Variants in THRA observed in about 807,000 individuals in gnomAD.
THRA encodes EAR-7.
A neutral mutation model predicts 45.0 loss-of-function variants in THRA; 13 were observed. The observed-to-expected ratio is 0.29, with a 90% CI of 0.19 to 0.46. THRA has a LOEUF of 0.46. THRA is among the 20% of genes least tolerant of loss of function. THRA has a pLI of 1.00. For synonymous variants in THRA, 195 were observed against 214.0 expected, an observed-to-expected ratio of 0.91 and a Z score of 0.78; for missense variants, 278 against 556.1, an observed-to-expected ratio of 0.50 and a Z score of 5.03.
intron 4 of THRA, 39 bp from the exon 5 acceptor site, chr17:40,083,796 A>G: frequency 1.3e-6 from 2 of 1,559,052 alleles, no homozygotes; most frequent in South Asian, 1.2e-5. Flanking sequence ...AGGGGAAGCC[A>G]TGTCATGATC....
rs577808923 is a variant in THRA, at chr17:40,086,670, G to T, written c.577-37G>T. ...GAGCCTCAGTGAGAGGCTGAAAGGG[G>T]TCTGCGGCCCCAGCTGACCCCCGTC... On this transcript the variant is annotated intron_variant, in intron 6 of 8. Transcript: ENST00000450525. 10 of 1,603,810 alleles carry T rather than the reference G, an allele frequency of 6.2e-6. No homozygotes were observed. In the Admixed American group the frequency reaches 1.2e-4, roughly 19 times the overall value.
In THRA at chr17:40,077,501, C is replaced by T. The variant is rs1425313746; in HGVS notation, c.122-7C>T. On this transcript the variant is annotated splice_region_variant and splice_polypyrimidine_tract_variant and intron_variant, in intron 3 of 8. Transcript: ENST00000450525. ...CCTGCCTTCCTCCATCCTTTCCTTCCTCCCAGGGTATATCCCTAGTTACCT... is the reference window on the plus strand; with the variant it reads ...CCTGCCTTCCTCCATCCTTTCCTTCTTCCCAGGGTATATCCCTAGTTACCT... 1 of 1,612,812 alleles carries T rather than the reference C, an allele frequency of 6.2e-7. No homozygotes were observed. The highest frequency in any genetic ancestry group is 8.5e-7 in the Non-Finnish European group (1 of 1,179,112).
intron 1 of THRA, among the ~76,000 whole-genome samples, 163 bp from the exon 2 acceptor site, chr17:40,074,029 T>C (rs1451465030): frequency 2.6e-5 from 4 of 152,138 alleles, no homozygotes. Context: ...CTGCTGTACC[T>C]GTTATCTAAG....
At chr17:40,078,801 G>A (rs1311298896) in intron 4 of THRA, among the ~76,000 whole-genome samples, 1 of 142,274 alleles carries the variant, frequency 7.0e-6, no homozygotes, top group African/African-American at 2.6e-5. Context: ...GTGTGATCTC[G>A]GCTCACTGCA....
At chr17:40,067,413 C>T (rs1325025481) in intron 1 of THRA, among the ~76,000 whole-genome samples, 1 of 152,194 alleles carries the variant, frequency 6.6e-6, no homozygotes, top group African/African-American at 2.4e-5. Context: ...CCTGGGAGCC[C>T]AGCATTGGTC....
intron 6 of THRA, among the ~76,000 whole-genome samples, chr17:40,086,006 G>A (rs1371011195): frequency 6.6e-6 from 1 of 152,174 alleles, no homozygotes; most frequent in African/African-American, 2.4e-5. Flanking sequence ...CAGCTACTCG[G>A]GAGGCTGAGG....
At chr17:40,093,392 G>A, downstream of THRA, 1 of 1,607,274 alleles carries the variant, frequency 6.2e-7, no homozygotes, top group Non-Finnish European at 8.5e-7. The surrounding 1 kb of genome is among the most constrained non-coding windows in gnomAD (Gnocchi z 5.9). Flanking sequence ...AAGCCCCCCA[G>A]AAGGCCGATG....
downstream of THRA, chr17:40,093,696 G>C (rs755224727): frequency 2.0e-5 from 13 of 636,024 alleles, no homozygotes; most frequent in Non-Finnish European, 3.0e-5. This position sits in a 1 kb window ranked among gnomAD's most constrained non-coding sequence, Gnocchi z 5.9. Flanking sequence ...ATAGTTGTCT[G>C]TGCTTCCTTG....
rs77556989 is a variant in THRA, at chr17:40,083,623, C to G, written c.223-212C>G. Among the ~76,000 whole-genome samples the G allele has an allele frequency of 1.6e-4, 25 of 152,352 alleles. No individual in the cohort carries two copies. The East Asian group carries it at 1.7e-3, about 11-fold the overall frequency. On this transcript the variant is annotated intron_variant, in intron 4 of 8. Coordinates refer to ENST00000450525, the MANE Select transcript of THRA (RefSeq NM_199334.5). ...TGCCACAAACACTACCCAGACACCC[C>G]CAACCCCTCAGCAGCCTGGGGGCTG...
intron 3 of THRA, among the ~76,000 whole-genome samples, 166 bp from the exon 4 acceptor site, chr17:40,077,342 G>T (rs563327187): frequency 1.3e-5 from 2 of 152,288 alleles, no homozygotes; most frequent in East Asian, 1.9e-4. Context: ...TACTCTTAGG[G>T]CAGAGATGGA....
intron 2 of THRA, among the ~76,000 whole-genome samples, chr17:40,075,461 G>C (rs1484759477): frequency 1.3e-5 from 2 of 152,214 alleles, no homozygotes; most frequent in Non-Finnish European, 2.9e-5. Context: ...AGCTGGGCAG[G>C]GCATGGGGTA....
chr17:40,070,542 G>T (rs1349162907), intron 1 of THRA, among the ~76,000 whole-genome samples: 26 of 152,292 alleles, frequency 1.7e-4, no homozygotes, highest in Non-Finnish European at 1.5e-5. Flanking sequence ...TGGCATGGGG[G>T]GCAGTGCTGC....
chr17:40,076,688 C>G (rs1986965638), intron 2 of THRA, among the ~76,000 whole-genome samples, 183 bp from the exon 3 acceptor site: 2 of 152,114 alleles, frequency 1.3e-5, no homozygotes. Flanking sequence ...TTATCTCTCT[C>G]CCCTGCAACT....
intron 5 of THRA, chr17:40,084,401 G>A: frequency 1.7e-6 from 1 of 595,692 alleles, no homozygotes; most frequent in Non-Finnish European, 3.0e-6. Flanking sequence ...ATATTCATCT[G>A]GATCAGCCCA....
rs73305066 is a variant in THRA, at chr17:40,063,575, G to A, written c.-298+483G>A. On this transcript the variant is annotated intron_variant, in intron 1 of 8. Coordinates refer to ENST00000450525, the MANE Select transcript of THRA (RefSeq NM_199334.5). ...GCAGTATGAGTGCGGTGGCGCGGGTGGGCTTGCACGGGTCCGGGGAGAGGG... is the reference window on the plus strand; with the variant it reads ...GCAGTATGAGTGCGGTGGCGCGGGTAGGCTTGCACGGGTCCGGGGAGAGGG... Among the ~76,000 whole-genome samples the A allele has an allele frequency of 3.0e-3, 462 of 152,326 alleles. 4 individuals are homozygous for A. The highest frequency in any genetic ancestry group is 0.011 in the African/African-American group (451 of 41,582).
downstream of THRA, chr17:40,093,208 C>T: frequency 1.9e-6 from 3 of 1,613,738 alleles, no homozygotes; most frequent in Non-Finnish European, 2.5e-6. The surrounding 1 kb of genome is among the most constrained non-coding windows in gnomAD (Gnocchi z 5.9). Flanking sequence ...TTCTTCAGCA[C>T]CAGAGCCCGA....
chr17:40,078,512 G>A (rs1987028150), intron 4 of THRA, among the ~76,000 whole-genome samples: 1 of 152,070 alleles, frequency 6.6e-6, no homozygotes, highest in Non-Finnish European at 1.5e-5. Flanking sequence ...ATAAAAAATA[G>A]TGCCATGTGC....
At chr17:40,080,163 G>A (rs1382876841) in intron 4 of THRA, among the ~76,000 whole-genome samples, 1 of 152,134 alleles carries the variant, frequency 6.6e-6, no homozygotes, top group African/African-American at 2.4e-5. Context: ...ACTTTAGGAG[G>A]CCAAGGTGGG....
chr17:40,063,619 C>T (rs1365271635), intron 1 of THRA, among the ~76,000 whole-genome samples: 4 of 152,234 alleles, frequency 2.6e-5, no homozygotes, highest in African/African-American at 9.6e-5. Context: ...CCGCCTCACC[C>T]GCCTCCCGGT....
Sources: gnomAD v4.1 joint callset for allele counts (sites outside exome capture counted in the v4.1 genomes callset) on GRCh38, gnomAD v4.1.1 for gene constraint, Gnocchi (gnomAD v3.1) non-coding constraint, MANE v1.5 for transcripts, NCBI Gene and HGNC (gene_info 2026-07-23, HGNC 2026-07-21) for gene names.